The following CHL1 variants were observed in gnomAD, a reference collection of about 807,000 sequenced individuals.
CHL1 encodes cell adhesion molecule L1 like, also known as neural cell adhesion molecule L1-like protein.
CHL1 carries 96 observed loss-of-function variants against 141.9 expected under a neutral mutation model. The observed-to-expected ratio is 0.68, with a 90% CI of 0.57 to 0.80. CHL1 has a LOEUF of 0.80. CHL1 is among the 30% of genes least tolerant of loss of function. CHL1 has a pLI of 0.00. For missense variants in CHL1, 1,820 were observed against 1,457.2 expected (o/e 1.25, Z -4.05); for synonymous variants, 613 against 502.2 (o/e 1.22, Z -2.95).
At chr3:363,442 T>A (rs1704490512) in intron 14 of CHL1, 59 bp downstream of exon 14, 1 of 1,449,788 alleles carries the variant, frequency 6.9e-7, no homozygotes, top group Admixed American at 2.0e-5. Context: ...TCTGTCTTCA[T>A]TTGCCCAAAT....
At position 225,975 on chromosome 3, in the gene CHL1, C is replaced by A. The variant is rs549951741; in HGVS notation, c.-174-18638C>A. 5.9e-5 allele frequency among the ~76,000 whole-genome samples: 9 copies of A among 151,706 alleles called. No individual in the cohort carries two copies. The East Asian group carries it at 1.8e-3, about 30-fold the overall frequency. ...AGTGAGCCGAGATAGCACCAGTGCACTTCAGCCCGGGAGACAGAATGAGAC... is the reference window on the plus strand; with the variant it reads ...AGTGAGCCGAGATAGCACCAGTGCAATTCAGCCCGGGAGACAGAATGAGAC... On this transcript the variant is annotated intron_variant, in intron 1 of 27. Transcript: ENST00000256509.
intron 1 of CHL1, among the ~76,000 whole-genome samples, chr3:198,899 A>G (rs530794581): frequency 2.6e-5 from 4 of 152,368 alleles, no homozygotes; most frequent in Non-Finnish European, 4.4e-5. Context: ...TCAACTGCCG[A>G]TGAAGTTGGC....
intron 2 of CHL1, among the ~76,000 whole-genome samples, chr3:308,102 G>T (rs1699406983): frequency 1.3e-5 from 2 of 152,128 alleles, no homozygotes; most frequent in African/African-American, 2.4e-5. Flanking sequence ...TTTACATTCA[G>T]ATCCATATTT....
chr3:276,611 T>TG (rs1380119435), intron 2 of CHL1, among the ~76,000 whole-genome samples: 1 of 151,400 alleles, frequency 6.6e-6, no homozygotes, highest in Non-Finnish European at 1.5e-5. Context: ...GCTCTGGGGC[T>TG]GGGCACGGTG....
At chr3:246,246 T>C (rs1693160753) in intron 2 of CHL1, among the ~76,000 whole-genome samples, 1 of 152,084 alleles carries the variant, frequency 6.6e-6, no homozygotes, top group African/African-American at 2.4e-5. Context: ...GTAATTGTGG[T>C]TGTGTCATGA....
intron 9 of CHL1, among the ~76,000 whole-genome samples, chr3:347,559 A>G (rs1209779878): frequency 6.6e-6 from 1 of 152,194 alleles, no homozygotes; most frequent in Non-Finnish European, 1.5e-5. Context: ...ACTAGTTTTC[A>G]AAGACCCAAA....
At chr3:286,929 T>C (rs1341772544) in intron 2 of CHL1, among the ~76,000 whole-genome samples, 2 of 152,034 alleles carry the variant, frequency 1.3e-5, no homozygotes, top group Non-Finnish European at 2.9e-5. Flanking sequence ...CCACCAGAGG[T>C]CACTTTCATT....
At chr3:226,617 T>C (rs998762666) in intron 1 of CHL1, among the ~76,000 whole-genome samples, 1 of 151,752 alleles carries the variant, frequency 6.6e-6, no homozygotes, top group Non-Finnish European at 1.5e-5. Flanking sequence ...CAGCTAATTC[T>C]TGTATTTTTA....
At chr3:285,010 T>C (rs947750183) in intron 2 of CHL1, among the ~76,000 whole-genome samples, 4 of 152,238 alleles carry the variant, frequency 2.6e-5, no homozygotes, top group African/African-American at 9.6e-5. Flanking sequence ...AAATGAACTA[T>C]TTTGCATATG....
rs565906181 is a variant in CHL1, at chr3:302,010, G to A, written c.-94-17673G>A. On this transcript the variant is annotated intron_variant, in intron 2 of 27. Transcript: ENST00000256509. ...GAGAATATGTGGTGCATGGTTTTCTGATCTTGTGATAGCTTGCTGAGAATG... is the reference window on the plus strand; with the variant it reads ...GAGAATATGTGGTGCATGGTTTTCTAATCTTGTGATAGCTTGCTGAGAATG... 2.9e-4 allele frequency among the ~76,000 whole-genome samples: 44 copies of A among 152,278 alleles called. No individual in the cohort carries two copies. The South Asian group carries it at 7.7e-3, about 27-fold the overall frequency.
At chr3:249,045 A>G (rs1254707788) in intron 2 of CHL1, among the ~76,000 whole-genome samples, 1 of 152,228 alleles carries the variant, frequency 6.6e-6, no homozygotes, top group Non-Finnish European at 1.5e-5. Context: ...CTGGAGAAAA[A>G]TACCATGTAA....
At position 402,850 on chromosome 3, in the gene CHL1, G is replaced by A. The variant is rs765584695; in HGVS notation, c.3458+1152G>A. Among the ~76,000 whole-genome samples the A allele has an allele frequency of 5.3e-5, 8 of 152,128 alleles. No homozygotes were observed. In the South Asian group the frequency reaches 8.3e-4, roughly 16 times the overall value. ...GGAAGAAAGAATTTTGGAACTTCAC[G>A]AATTGTGATCATTACTATTGTATTA... On this transcript the variant is annotated intron_variant, in intron 27 of 27. Coordinates refer to ENST00000256509, the MANE Select transcript of CHL1 (RefSeq NM_006614.4).
At chr3:263,909 C>A (rs973522340) in intron 2 of CHL1, among the ~76,000 whole-genome samples, 3 of 152,182 alleles carry the variant, frequency 2.0e-5, no homozygotes, top group African/African-American at 7.2e-5. Context: ...AGTAGTAGTG[C>A]AAAATGCTAA....
chr3:342,946 TTA>T (rs1559283831), intron 7 of CHL1, 36 bp from the exon 8 acceptor site: 4 of 1,527,884 alleles, frequency 2.6e-6, no homozygotes, highest in African/African-American at 1.4e-5. Flanking sequence ...GCATCCACCA[TTA>T]TGTTTGTGTT....
Position 328,362 on chromosome 3 carries a change from C to A in CHL1, c.385+8C>A. ...TAGAATTTATAGTTCCAAGTAAGTACTATAACGGGAATTTCATTTTACAAG... is the reference window on the plus strand; with the variant it reads ...TAGAATTTATAGTTCCAAGTAAGTAATATAACGGGAATTTCATTTTACAAG... On this transcript the variant is annotated splice_region_variant and intron_variant, in intron 5 of 27. Coordinates refer to ENST00000256509, the MANE Select transcript of CHL1 (RefSeq NM_006614.4). The A allele has an allele frequency of 6.3e-7, 1 of 1,596,672 alleles. No homozygotes were observed. Among genetic ancestry groups the A allele is most frequent in the African/African-American group, 1.3e-5 (1 of 74,236 alleles).
At chr3:208,855 A>G (rs902345362) in intron 1 of CHL1, among the ~76,000 whole-genome samples, 3 of 152,240 alleles carry the variant, frequency 2.0e-5, no homozygotes, top group Non-Finnish European at 4.4e-5. Flanking sequence ...TTATCATTAT[A>G]TGATATTAAA....
At chr3:230,750 T>C (rs1468549173) in intron 1 of CHL1, among the ~76,000 whole-genome samples, 1 of 150,660 alleles carries the variant, frequency 6.6e-6, no homozygotes, top group African/African-American at 2.5e-5. Context: ...ATGTAGACTC[T>C]TATATTCTTA....
intron 1 of CHL1, among the ~76,000 whole-genome samples, chr3:215,477 G>C (rs184357747): frequency 3.5e-4 from 53 of 152,292 alleles, no homozygotes; most frequent in Middle Eastern, 3.4e-3. Context: ...ATAAGTTCTG[G>C]TGTTCTATAG....
intron 2 of CHL1, among the ~76,000 whole-genome samples, chr3:283,361 A>G (rs1448590327): frequency 1.3e-5 from 2 of 152,214 alleles, no homozygotes; most frequent in African/African-American, 2.4e-5. Flanking sequence ...TACCAAGAGT[A>G]TAAGTTTCCT....
Sources: gnomAD v4.1 joint callset for allele counts (sites outside exome capture counted in the v4.1 genomes callset) on GRCh38, gnomAD v4.1.1 for gene constraint, MANE v1.5 for transcripts, NCBI Gene and HGNC (gene_info 2026-07-23, HGNC 2026-07-21) for gene names.